CTNNBL1: variants seen among roughly 807,000 people sequenced by gnomAD.
CTNNBL1 encodes the protein catenin beta like 1, also known as beta-catenin-like protein 1.
A neutral mutation model predicts 72.7 loss-of-function variants in CTNNBL1; 31 were observed. The ratio of observed to expected loss-of-function variants is 0.43; its 90% CI spans 0.32 to 0.58. The LOEUF (loss-of-function observed/expected upper bound fraction) is 0.58. Ranked by LOEUF, CTNNBL1 falls within the 20% of genes least tolerant of loss-of-function variation. CTNNBL1 has a pLI of 0.08. For synonymous variants in CTNNBL1, 240 were observed against 267.3 expected (o/e 0.90, Z 1.00); for missense variants, 534 against 725.1 (o/e 0.74, Z 3.03).
intron 1 of CTNNBL1, among the ~76,000 whole-genome samples, chr20:37,715,491 C>G (rs181188916): frequency 6.6e-6 from 1 of 152,208 alleles, no homozygotes; most frequent in Non-Finnish European, 1.5e-5. Flanking sequence ...TTTATGGTTT[C>G]TGTAAACCCC....
At chr20:37,806,906 C>A (rs1186735133) in intron 11 of CTNNBL1, among the ~76,000 whole-genome samples, 2 of 152,144 alleles carry the variant, frequency 1.3e-5, no homozygotes, top group African/African-American at 4.8e-5. Context: ...AGTTGCTATG[C>A]CAGCTGAGCC....
chr20:37,748,446 C>T (rs1033642653), intron 4 of CTNNBL1, among the ~76,000 whole-genome samples: 3 of 152,164 alleles, frequency 2.0e-5, no homozygotes, highest in African/African-American at 7.2e-5. Context: ...TGTATGGTCT[C>T]ATGAAATTCA....
At chr20:37,836,650 A>C (rs1005243296) in intron 11 of CTNNBL1, among the ~76,000 whole-genome samples, 1 of 152,194 alleles carries the variant, frequency 6.6e-6, no homozygotes, top group South Asian at 2.1e-4. Context: ...TTTCTTCACT[A>C]AATGAGGAGC....
chr20:37,738,210 G>A (rs1384133654), intron 3 of CTNNBL1, among the ~76,000 whole-genome samples: 5 of 152,230 alleles, frequency 3.3e-5, no homozygotes. Flanking sequence ...AGATATTGGT[G>A]TGATACACAC....
chr20:37,773,844 T>A (rs2122681489), intron 7 of CTNNBL1, among the ~76,000 whole-genome samples: 1 of 151,970 alleles, frequency 6.6e-6, no homozygotes, highest in Non-Finnish European at 1.5e-5. Flanking sequence ...CACTACATGC[T>A]AAAGTGTTTT....
chr20:37,845,021 C>T (rs78606710), intron 13 of CTNNBL1, among the ~76,000 whole-genome samples: 35 of 152,332 alleles, frequency 2.3e-4, no homozygotes, highest in African/African-American at 8.4e-4. Flanking sequence ...AAGTACTTTG[C>T]TCAGTAAGTA....
intron 10 of CTNNBL1, among the ~76,000 whole-genome samples, chr20:37,786,451 G>A (rs572119572): frequency 2.0e-5 from 3 of 152,260 alleles, no homozygotes; most frequent in Non-Finnish European, 2.9e-5. Context: ...ACTCTATTGC[G>A]ACTGAGCTGG....
At chr20:37,840,319 TG>T in intron 12 of CTNNBL1, 120 bp downstream of exon 12, 1 of 698,756 alleles carries the variant, frequency 1.4e-6, no homozygotes, top group Middle Eastern at 2.5e-4. Flanking sequence ...TTCTGGCACC[TG>T]GGCCCTGTTG....
intron 7 of CTNNBL1, among the ~76,000 whole-genome samples, chr20:37,768,574 C>T (rs922321123): frequency 6.6e-6 from 1 of 152,178 alleles, no homozygotes; most frequent in Admixed American, 6.5e-5. Context: ...CAGTAGTCCC[C>T]TCTTATCTGT....
At chr20:37,843,823 G>A (rs2072325070) in intron 13 of CTNNBL1, among the ~76,000 whole-genome samples, 1 of 152,202 alleles carries the variant, frequency 6.6e-6, no homozygotes, top group South Asian at 2.1e-4. Context: ...CCTAAACTGA[G>A]TAAGTCCTCA....
At chr20:37,707,007 A>AT (rs796312007) in intron 1 of CTNNBL1, among the ~76,000 whole-genome samples, 74 of 149,816 alleles carry the variant, frequency 4.9e-4, no homozygotes, top group Middle Eastern at 3.4e-3. Context: ...TTTGGAAGAA[A>AT]TTTTTTTTTT....
chr20:37,826,933 A>C (rs1179760305), intron 11 of CTNNBL1, among the ~76,000 whole-genome samples: 1 of 152,236 alleles, frequency 6.6e-6, no homozygotes, highest in African/African-American at 2.4e-5. Context: ...TGATAAATAC[A>C]AACCATGTTA....
chr20:37,848,614 C>T (rs1157131689), intron 13 of CTNNBL1, among the ~76,000 whole-genome samples: 1 of 152,142 alleles, frequency 6.6e-6, no homozygotes, highest in Non-Finnish European at 1.5e-5. Context: ...TGCTCATTCA[C>T]CCTCTACTGC....
chr20:37,822,752 C>A (rs2072120188), intron 11 of CTNNBL1, among the ~76,000 whole-genome samples: 1 of 152,086 alleles, frequency 6.6e-6, no homozygotes, highest in Admixed American at 6.6e-5. Context: ...CCTCTCTGGG[C>A]CTTATTTTTT....
At chr20:37,763,184 A>G (rs1267021138) in intron 5 of CTNNBL1, among the ~76,000 whole-genome samples, 1 of 152,178 alleles carries the variant, frequency 6.6e-6, no homozygotes, top group East Asian at 1.9e-4. Flanking sequence ...TTAGGGAAAA[A>G]CATACTGTGA....
chr20:37,858,890 C>T (rs1020454156), intron 13 of CTNNBL1, among the ~76,000 whole-genome samples: 1 of 151,990 alleles, frequency 6.6e-6, no homozygotes, highest in African/African-American at 2.4e-5. Flanking sequence ...TGACAAAACA[C>T]CTAAGCCAGA....
At chr20:37,841,199 T>G (rs1432396545) in intron 12 of CTNNBL1, among the ~76,000 whole-genome samples, 2 of 152,236 alleles carry the variant, frequency 1.3e-5, no homozygotes, top group Non-Finnish European at 2.9e-5. Context: ...ATTATGTAAC[T>G]TACCCAAGAA....
intron 6 of CTNNBL1, among the ~76,000 whole-genome samples, chr20:37,766,074 T>A (rs2073465329): frequency 6.6e-6 from 1 of 152,140 alleles, no homozygotes; most frequent in Admixed American, 6.5e-5. Flanking sequence ...CTTCTTTGTG[T>A]ACCACAGATT....
chr20:37,769,275 T>C (rs1314361084), intron 7 of CTNNBL1, among the ~76,000 whole-genome samples: 1 of 152,240 alleles, frequency 6.6e-6, no homozygotes, highest in Non-Finnish European at 1.5e-5. Flanking sequence ...GAAGTAGAAT[T>C]GATAGGCCAA....
Sources: allele counts gnomAD v4.1 joint callset (sites outside exome capture counted in the v4.1 genomes callset), GRCh38; gene constraint gnomAD v4.1.1; transcripts MANE v1.5; gene names NCBI Gene and HGNC (gene_info 2026-07-23, HGNC 2026-07-21).